The following SLC14A1 variants were observed in gnomAD, a reference collection of about 807,000 sequenced individuals.
SLC14A1 encodes the protein solute carrier family 14 member 1 (Kidd blood group).
SLC14A1 carries 36 observed loss-of-function variants against 39.6 expected under a neutral mutation model. The observed-to-expected ratio is 0.91, with a 90% CI of 0.70 to 1.20. The LOEUF (loss-of-function observed/expected upper bound fraction) is 1.20, where lower values mean the gene tolerates loss of function less well. Ranked by LOEUF, SLC14A1 falls within the 50% of genes most tolerant of loss-of-function variation. The probability of loss-of-function intolerance (pLI) is 0.00; values close to 1 mark genes in which losing one functional copy is unlikely to be tolerated. For missense variants in SLC14A1, 469 were observed against 478.7 expected (o/e 0.98, Z 0.19); for synonymous variants, 164 against 173.6 (o/e 0.94, Z 0.43).
rs2047729101 is a variant in SLC14A1 at position 45,752,219 on chromosome 18, A to G, written c.*2268A>G. ...GAATTGTGGGGAAAAAAAAGCAAGC[A>G]TAACCAAAGATCATCAGCAGTGAAG... On this transcript the variant is annotated 3_prime_UTR_variant, in exon 10 of 10. Transcript: ENST00000321925. The G allele has an allele frequency of 1.0e-6, 1 of 985,304 alleles. No individual in the cohort carries two copies. Among genetic ancestry groups the G allele is most frequent in the African/African-American group, 1.7e-5 (1 of 57,236 alleles). 61.0% of individuals were successfully genotyped at this position (985,304 alleles called of 1,614,324 possible). A position where few individuals can be genotyped will look rare whatever the true frequency, so the allele number is the denominator to read the frequency against.
intron 9 of SLC14A1, among the ~76,000 whole-genome samples, chr18:45,748,636 T>C (rs2047621262): frequency 6.6e-6 from 1 of 152,126 alleles, no homozygotes; most frequent in Non-Finnish European, 1.5e-5. Flanking sequence ...TTGTTACAAG[T>C]ATCAGATTGC....
Position 45,750,528 on chromosome 18 carries a change from T to C in SLC14A1, c.*577T>C. ...AATGGCCTGCACCCTATCCCTTGTG[T>C]GTGTGACATTCTCTCATGGGACAAT... On this transcript the variant is annotated 3_prime_UTR_variant, in exon 10 of 10. Coordinates refer to ENST00000321925, the MANE Select transcript of SLC14A1 (RefSeq NM_015865.7). The C allele has an allele frequency of 1.0e-6, 1 of 992,726 alleles. No homozygotes were observed. Among genetic ancestry groups the C allele is most frequent in the Non-Finnish European group, 1.2e-6 (1 of 834,024 alleles). The allele number at this position is 992,726 out of a possible 1,614,324, so 61.5% of individuals were successfully genotyped here.
rs755898701 is a variant in SLC14A1, at chr18:45,739,664, T to C, written c.946+2T>C. ...CCCACCTCCTGGCTCTTGGCTGTGG[T>C]GAGTCTCCCACGCCCCTGGGGGAGG... is the stretch of plus-strand genomic sequence containing the variant. On this transcript the variant is annotated splice_donor_variant, in intron 8 of 9. Transcript: ENST00000321925. LOFTEE classifies it high-confidence loss of function. 2 of 1,614,016 alleles carry C rather than the reference T, an allele frequency of 1.2e-6. No homozygotes were observed. The highest frequency in any genetic ancestry group is 1.3e-5 in the African/African-American group (1 of 74,906).
At chr18:45,735,398 G>A (rs1282414852) in intron 5 of SLC14A1, among the ~76,000 whole-genome samples, 1 of 152,108 alleles carries the variant, frequency 6.6e-6, no homozygotes, top group Non-Finnish European at 1.5e-5. Flanking sequence ...GTGCCTACGT[G>A]AATTCCCCCT....
chr18:45,741,057 G>C (rs1163648489), intron 8 of SLC14A1: 1 of 152,274 alleles, frequency 6.6e-6, no homozygotes, highest in Non-Finnish European at 1.5e-5. Context: ...AGGGAATCTG[G>C]ACAGCAATGG....
chr18:45,731,769 T>C (rs1304534189), intron 4 of SLC14A1: 1 of 176,300 alleles, frequency 5.7e-6, no homozygotes, highest in Admixed American at 5.4e-5. Context: ...TATAAATTGA[T>C]CTGTCATTGA....
At chr18:45,741,286 A>G (rs1430321965) in intron 8 of SLC14A1, among the ~76,000 whole-genome samples, 3 of 152,232 alleles carry the variant, frequency 2.0e-5, no homozygotes, top group African/African-American at 7.2e-5. Context: ...CAATCAAAGT[A>G]TAAGCATTTA....
chr18:45,748,576 C>A (rs1483748345), intron 9 of SLC14A1, 151 bp downstream of exon 9: 5 of 807,794 alleles, frequency 6.2e-6, no homozygotes, highest in Non-Finnish European at 1.1e-5. Flanking sequence ...AGCTCCCTGG[C>A]CTTTCTTTCA....
At chr18:45,738,573 A>G (rs2047264268) in intron 6 of SLC14A1, among the ~76,000 whole-genome samples, 1 of 152,230 alleles carries the variant, frequency 6.6e-6, no homozygotes, top group African/African-American at 2.4e-5. Context: ...CTTTGTTTAA[A>G]TGAATACATG....
At chr18:45,747,532 CAAA>C (rs10717574) in intron 8 of SLC14A1, among the ~76,000 whole-genome samples, 1 of 145,820 alleles carries the variant, frequency 6.9e-6, no homozygotes, top group South Asian at 2.2e-4. Context: ...ACTAACAATA[CAAA>C]AAAAAAAAAA....
chr18:45,727,550 G>A lies in SLC14A1; in HGVS notation c.-22+2537G>A, dbSNP rs570715330. ...CTAAGCCAAAGGCACAGGGATCTTG[G>A]TCCAAAAAGCCCCATGGCGCTCACC... On this transcript the variant is annotated intron_variant, in intron 2 of 9. Transcript: ENST00000321925. 132 of 1,130,158 alleles carry A rather than the reference G, an allele frequency of 1.2e-4. 1 individual carries two copies. In the South Asian group the frequency reaches 2.2e-3, roughly 19 times the overall value. 70.0% of individuals were successfully genotyped at this position (1,130,158 alleles called of 1,614,324 possible).
chr18:45,732,064 T>C (rs896489843), intron 4 of SLC14A1, among the ~76,000 whole-genome samples: 1 of 152,260 alleles, frequency 6.6e-6, no homozygotes, highest in African/African-American at 2.4e-5. Flanking sequence ...TTCCAATGCA[T>C]GCCAAGAAAA....
chr18:45,748,253 T>G, intron 8 of SLC14A1, 123 bp from the exon 9 acceptor site: 1 of 1,038,894 alleles, frequency 9.6e-7, no homozygotes. Context: ...CTGCTGACTT[T>G]AGGCTCATGC....
chr18:45,727,521 T>C, intron 2 of SLC14A1: 1 of 1,345,710 alleles, frequency 7.4e-7, no homozygotes, highest in Non-Finnish European at 9.9e-7. Flanking sequence ...GGGTTGGCTG[T>C]GAGCTAAGCC....
At position 45,731,073 on chromosome 18, in the gene SLC14A1, G is replaced by A. The variant is rs1796634758; in HGVS notation, c.210G>A (p.Val70=). 1.9e-6 allele frequency: 3 copies of A among 1,614,154 alleles called. No individual in the cohort carries two copies. Among genetic ancestry groups the A allele is most frequent in the South Asian group, 1.1e-5 (1 of 91,082 alleles). The change falls in exon 4 of 10, where the codon GTG becomes GTA. Residue 70 remains valine (V), a synonymous_variant. Transcript: ENST00000321925. ...DWILRGISQV[V]FVNNPVSGIL... is the part of the protein sequence containing the mutation. ...TTCTCCGGGGCATATCCCAAGTGGT[G>A]TTCGTCAACAACCCCGTCAGTGGAA... is the stretch of plus-strand genomic sequence containing the variant.
chr18:45,738,012 A>T (rs11877630), intron 6 of SLC14A1, among the ~76,000 whole-genome samples: 1 of 152,054 alleles, frequency 6.6e-6, no homozygotes, highest in Non-Finnish European at 1.5e-5. Context: ...CAAAAAAAGC[A>T]TATGCCATCT....
rs1482083467 is a variant in SLC14A1 at position 45,751,745 on chromosome 18, G to T, written c.*1794G>T. The T allele has an allele frequency of 1.7e-6, 1 of 585,898 alleles. No homozygotes were observed. Among genetic ancestry groups the T allele is most frequent in the Non-Finnish European group, 2.1e-6 (1 of 466,658 alleles). The allele number at this position is 585,898 out of a possible 1,614,324, so 36.3% of individuals were successfully genotyped here. On this transcript the variant is annotated 3_prime_UTR_variant, in exon 10 of 10. Transcript: ENST00000321925. ...CAGTGAGCTATATGATCATGTCACT[G>T]CACTCCAGCCTGTGTGACCGAGCAA...
chr18:45,737,799 C>T (rs28898876), intron 6 of SLC14A1, among the ~76,000 whole-genome samples: 3,373 of 152,268 alleles, frequency 0.022, 119 homozygotes, highest in African/African-American at 0.071. Flanking sequence ...GATAGCCACA[C>T]GTGGCTAGGA....
intron 5 of SLC14A1, among the ~76,000 whole-genome samples, chr18:45,735,839 C>A (rs1051953901): frequency 1.3e-5 from 2 of 152,178 alleles, no homozygotes; most frequent in Admixed American, 6.5e-5. Context: ...CAAGTGAGAG[C>A]CTATGAGGGA....
Sources: allele counts gnomAD v4.1 joint callset (sites outside exome capture counted in the v4.1 genomes callset), GRCh38; gene constraint gnomAD v4.1.1; transcripts MANE v1.5; gene names NCBI Gene and HGNC (gene_info 2026-07-23, HGNC 2026-07-21).